Variants in PLEKHG3 observed in about 807,000 individuals in gnomAD.
PLEKHG3 encodes pleckstrin homology domain-containing family G member 3.
Under a neutral mutation model 94.9 loss-of-function variants are expected in PLEKHG3, and 62 were observed. That is an observed-to-expected ratio of 0.65 (90% CI 0.53 to 0.81). The LOEUF (loss-of-function observed/expected upper bound fraction) is 0.81, where lower values mean the gene tolerates loss of function less well. Among genes scored for constraint, PLEKHG3 ranks in the 30% least tolerant of loss-of-function variants. The pLI is 0.00. For synonymous variants in PLEKHG3, 614 were observed against 654.0 expected, an observed-to-expected ratio of 0.94 and a Z score of 0.93; for missense variants, 1,461 against 1,619.3, an observed-to-expected ratio of 0.90 and a Z score of 1.68.
intron 1 of PLEKHG3, among the ~76,000 whole-genome samples, chr14:64,714,385 C>T (rs2081105638): frequency 6.6e-6 from 1 of 152,224 alleles, no homozygotes; most frequent in Admixed American, 6.5e-5. Flanking sequence ...CTAGAGTCAC[C>T]TCTTTAATGC....
rs557292488 is a variant in PLEKHG3, at chr14:64,731,342, T to G, written c.850-19T>G. On this transcript the variant is annotated intron_variant, in intron 7 of 16. Transcript: ENST00000247226. This position sits in a 1 kb window ranked among gnomAD's most constrained non-coding sequence, Gnocchi z 6.1. Reference sequence around the variant, plus strand: ...GCCCCAGTGGCCTGACTCTAGGGATTGGGGCCCCTCTGCTGCAGGAGATTC... The same window carrying G: ...GCCCCAGTGGCCTGACTCTAGGGATGGGGGCCCCTCTGCTGCAGGAGATTC... The G allele has an allele frequency of 1.2e-5, 19 of 1,609,602 alleles. No homozygotes were observed. Among genetic ancestry groups the G allele is most frequent in the Non-Finnish European group, 1.5e-5 (18 of 1,177,334 alleles).
rs1388695818 is a variant in PLEKHG3, at chr14:64,738,099, GAGGAGGAGC to G, written c.1405-634_1405-626del. ...GGAGCCCCCAGGCTCAGAGGAGGAG[GAGGAGGAGC>G]AGGAGGAGAGCCTGGCGGTGGCGGA... On this transcript the variant is annotated intron_variant, in intron 14 of 16. Coordinates refer to ENST00000247226, the MANE Select transcript of PLEKHG3 (RefSeq NM_001308147.2). This position sits in a 1 kb window ranked among gnomAD's most constrained non-coding sequence, Gnocchi z 4.8. The G allele has an allele frequency of 7.7e-7, 1 of 1,305,086 alleles. No homozygotes were observed. Among genetic ancestry groups the G allele is most frequent in the African/African-American group, 1.5e-5 (1 of 66,978 alleles). The allele number at this position is 1,305,086 out of a possible 1,614,324, so 80.8% of individuals were successfully genotyped here. A position where few individuals can be genotyped will look rare whatever the true frequency, so the allele number is the denominator to read the frequency against.
rs17180132 is a variant in PLEKHG3 at position 64,743,191 on chromosome 14, G to A, written c.3148G>A (p.Val1050Ile). Residue 1050 changes from valine to isoleucine, a missense_variant, in exon 17 of 17, where the codon GTC becomes ATC. Transcript: ENST00000247226. This position sits in a 1 kb window ranked among gnomAD's most constrained non-coding sequence, Gnocchi z 7.2. Reference protein sequence around the residue: ...SPTETFSWPDVRELCSKYASR... With the variant: ...SPTETFSWPDIRELCSKYASR... ...CACAGAGACCTTCAGCTGGCCCGAC[G>A]TCCGTGAGCTCTGCTCCAAGTATGC... 0.011 allele frequency: 17,254 copies of A among 1,610,346 alleles called. 108 individuals carry two copies. The highest frequency in any genetic ancestry group is 0.013 in the Non-Finnish European group (15,816 of 1,179,890).
Position 64,748,230 on chromosome 14 carries a change from C to A in PLEKHG3, c.*4527C>A, listed in dbSNP as rs1470574335. ...ATGATCAACTTTACTGTCTGCCCAG[C>A]CATTACCCTCCAAAGTCCCAGCTGC... is the stretch of plus-strand genomic sequence containing the variant. On this transcript the variant is annotated 3_prime_UTR_variant, in exon 17 of 17. Coordinates refer to ENST00000247226, the MANE Select transcript of PLEKHG3 (RefSeq NM_001308147.2). 6.7e-6 allele frequency: 1 copy of A among 149,732 alleles called. No individual in the cohort carries two copies. The highest frequency in any genetic ancestry group is 1.5e-5 in the Non-Finnish European group (1 of 68,006). 9.3% of individuals were successfully genotyped at this position (149,732 alleles called of 1,614,324 possible). A position where few individuals can be genotyped will look rare whatever the true frequency, so the allele number is the denominator to read the frequency against.
rs531091439 is a variant in PLEKHG3, at chr14:64,704,516, G to T, written c.-228G>T. On this transcript the variant is annotated 5_prime_UTR_variant, in exon 1 of 17. Transcript: ENST00000247226. This position sits in a 1 kb window ranked among gnomAD's most constrained non-coding sequence, Gnocchi z 5.6. ...GGCGCTGGCAAGCCGCGCGCTGCCT[G>T]GGGTCTCCGGGGGCCGCGCTTGCAG... 1 of 155,454 alleles carries T rather than the reference G, an allele frequency of 6.4e-6. No homozygotes were observed. Among genetic ancestry groups the T allele is most frequent in the East Asian group, 1.7e-4 (1 of 6,044 alleles). The allele number at this position is 155,454 out of a possible 1,614,324, so 9.6% of individuals were successfully genotyped here.
chr14:64,741,651 C>T lies in PLEKHG3; in HGVS notation c.2134C>T (p.Arg712Ter), dbSNP rs879207272. ...GAAGAAGGAATCAGCACTCTCCACC[C>T]GAGACCGGCTGTTGCTAGACAAGAT... ...CKKKESALST[R>*]DRLLLDKIKS... The change falls in exon 16 of 17, where the codon CGA becomes TGA. Residue 712 changes from arginine (R) to a stop codon, truncating the protein, a stop_gained. Coordinates refer to ENST00000247226, the MANE Select transcript of PLEKHG3 (RefSeq NM_001308147.2). LOFTEE classifies it high-confidence loss of function. 9 of 1,612,976 alleles carry T rather than the reference C, an allele frequency of 5.6e-6. No individual in the cohort carries two copies. The highest frequency in any genetic ancestry group is 1.1e-5 in the South Asian group (1 of 91,078).
Position 64,743,001 on chromosome 14 carries a change from G to A in PLEKHG3, c.2958G>A (p.Leu986=), listed in dbSNP as rs1304164648. The change falls in exon 17 of 17, where the codon CTG becomes CTA. Residue 986 remains leucine (L), a synonymous_variant. Transcript: ENST00000247226. The surrounding 1 kb of genome is among the most constrained non-coding windows in gnomAD (Gnocchi z 7.2). ...TCATAGGTAAGAGGAAGCCGGTGCT[G>A]TCTCTATTTGACTATGAGCAGCTGA... is the stretch of plus-strand genomic sequence containing the variant. ...LGGKGKRKPV[L]SLFDYEQLMA... The A allele has an allele frequency of 6.2e-7, 1 of 1,613,256 alleles. No homozygotes were observed. Among genetic ancestry groups the A allele is most frequent in the African/African-American group, 1.3e-5 (1 of 74,934 alleles).
In PLEKHG3 at chr14:64,716,615, T is replaced by G. The variant is rs1448619991; in HGVS notation, c.-39-10978T>G. 2.6e-5 allele frequency among the ~76,000 whole-genome samples: 4 copies of G among 151,746 alleles called. No individual in the cohort carries two copies. The highest frequency in any genetic ancestry group is 5.9e-5 in the Non-Finnish European group (4 of 67,982). On this transcript the variant is annotated intron_variant, in intron 1 of 16. Coordinates refer to ENST00000247226, the MANE Select transcript of PLEKHG3 (RefSeq NM_001308147.2). This position sits in a 1 kb window ranked among gnomAD's most constrained non-coding sequence, Gnocchi z 5.0. ...TTTCCCAGAATCCACAGAGGGTGGTTGTTTTGGATCAAACCAAGCGTCAGC... is the reference window on the plus strand; with the variant it reads ...TTTCCCAGAATCCACAGAGGGTGGTGGTTTTGGATCAAACCAAGCGTCAGC...
chr14:64,740,663 G>A (rs1307745668), intron 15 of PLEKHG3, among the ~76,000 whole-genome samples: 1 of 152,218 alleles, frequency 6.6e-6, no homozygotes, highest in South Asian at 2.1e-4. Context: ...CTGGTTCCAT[G>A]ACACTGTGAG....
chr14:64,737,914 G>A (rs1008104734), intron 14 of PLEKHG3: 26 of 1,214,604 alleles, frequency 2.1e-5, no homozygotes, highest in African/African-American at 7.9e-5. Context: ...TCCCGTACTC[G>A]GGGCCTGCAG....
chr14:64,711,200 C>T (rs1299612323), intron 1 of PLEKHG3, among the ~76,000 whole-genome samples: 10 of 152,178 alleles, frequency 6.6e-5, no homozygotes, highest in South Asian at 2.1e-4. Context: ...TTTTGGAGCC[C>T]GCTCTTAGCC....
intron 3 of PLEKHG3, among the ~76,000 whole-genome samples, chr14:64,729,608 CG>C (rs34028237): frequency 6.6e-6 from 1 of 152,102 alleles, no homozygotes; most frequent in Non-Finnish European, 1.5e-5. Context: ...CAGACTCCCC[CG>C]GGAAAGTGCA....
chr14:64,727,509 T>TC lies in PLEKHG3; in HGVS notation c.-39-84_-39-83insC. 1 of 336,210 alleles carries TC rather than the reference T, an allele frequency of 3.0e-6. No individual in the cohort carries two copies. Among genetic ancestry groups the TC allele is most frequent in the Non-Finnish European group, 5.8e-6 (1 of 171,880 alleles). The allele number at this position is 336,210 out of a possible 1,614,324, so 20.8% of individuals were successfully genotyped here. ...CTAAATAATACCTTCCCACCCCACC[T>TC]GCCCCCACCCCTGGCAACCGTCCCT... On this transcript the variant is annotated intron_variant, in intron 1 of 16. Transcript: ENST00000247226. This position sits in a 1 kb window ranked among gnomAD's most constrained non-coding sequence, Gnocchi z 6.0.
Position 64,741,048 on chromosome 14 carries a change from C to G in PLEKHG3, c.1531C>G (p.Pro511Ala). The G allele has an allele frequency of 6.3e-7, 1 of 1,587,146 alleles. No homozygotes were observed. The highest frequency in any genetic ancestry group is 8.6e-7 in the Non-Finnish European group (1 of 1,164,106). ...TGCTATGTTTCAGGTTGAGCCGGAC[C>G]CTGAGGCTGGGAGTGAGCAAGAGGT... ...ISSLPEVEPD[P>A]EAGSEQEVFS... is the part of the protein sequence containing the mutation. Residue 511 changes from proline (P) to alanine (A), a missense_variant, in exon 16 of 17, where the codon CCT becomes GCT. Physicochemically the swap from Pro to Ala is conservative, Grantham distance 27. Coordinates refer to ENST00000247226, the MANE Select transcript of PLEKHG3 (RefSeq NM_001308147.2).
At chr14:64,711,015 T>C (rs1052926214) in intron 1 of PLEKHG3, among the ~76,000 whole-genome samples, 1 of 152,178 alleles carries the variant, frequency 6.6e-6, no homozygotes, top group Non-Finnish European at 1.5e-5. Flanking sequence ...CCCAGTCAGG[T>C]TGGCTAAAAT....
In PLEKHG3 at chr14:64,732,799, G is replaced by A. The variant is rs796402333; in HGVS notation, c.1247-4G>A. Reference sequence around the variant, plus strand: ...AAGCTTGATCGTCTCTCTCCTGGGTGCAGATCCCAATCGGTACCGCTGCAG... The same window carrying A: ...AAGCTTGATCGTCTCTCTCCTGGGTACAGATCCCAATCGGTACCGCTGCAG... On this transcript the variant is annotated splice_region_variant and splice_polypyrimidine_tract_variant and intron_variant, in intron 11 of 16. Coordinates refer to ENST00000247226, the MANE Select transcript of PLEKHG3 (RefSeq NM_001308147.2). This position sits in a 1 kb window ranked among gnomAD's most constrained non-coding sequence, Gnocchi z 4.9. 2 of 1,597,654 alleles carry A rather than the reference G, an allele frequency of 1.3e-6. No individual in the cohort carries two copies. The highest frequency in any genetic ancestry group is 2.3e-5 in the East Asian group (1 of 44,378).
chr14:64,709,707 C>T (rs959449779), intron 1 of PLEKHG3, among the ~76,000 whole-genome samples: 1 of 150,682 alleles, frequency 6.6e-6, no homozygotes, highest in African/African-American at 2.5e-5. Context: ...AACTCACATC[C>T]TTTACTTCCT....
At position 64,749,429 on chromosome 14, in the gene PLEKHG3, G is replaced by A. The variant is rs553021712; in HGVS notation, c.*5726G>A. ...CCTTGACGCGGATGCTCTGGGACTC[G>A]TTGATGGCGGTGCTCACGCCCTGCA... is the stretch of plus-strand genomic sequence containing the variant. On this transcript the variant is annotated 3_prime_UTR_variant, in exon 17 of 17. Transcript: ENST00000247226. The surrounding 1 kb of genome is among the most constrained non-coding windows in gnomAD (Gnocchi z 4.7). 1.9e-6 allele frequency: 3 copies of A among 1,604,662 alleles called. No individual in the cohort carries two copies. Among genetic ancestry groups the A allele is most frequent in the Admixed American group, 1.7e-5 (1 of 59,962 alleles).
In PLEKHG3 at chr14:64,727,300, T is replaced by G. The variant is rs2081369786; in HGVS notation, c.-39-293T>G. 6.6e-6 allele frequency among the ~76,000 whole-genome samples: 1 copy of G among 152,142 alleles called. No homozygotes were observed. The highest frequency in any genetic ancestry group is 6.5e-5 in the Admixed American group (1 of 15,284). On this transcript the variant is annotated intron_variant, in intron 1 of 16. Coordinates refer to ENST00000247226, the MANE Select transcript of PLEKHG3 (RefSeq NM_001308147.2). The surrounding 1 kb of genome is among the most constrained non-coding windows in gnomAD (Gnocchi z 6.0). ...CTCATAGAGTCTGAGAACAGGGCCCTTCTTGGGATTCAGTTTTGTTTTGTT... is the reference window on the plus strand; with the variant it reads ...CTCATAGAGTCTGAGAACAGGGCCCGTCTTGGGATTCAGTTTTGTTTTGTT...
Sources: gnomAD v4.1 joint callset for allele counts (sites outside exome capture counted in the v4.1 genomes callset) on GRCh38, gnomAD v4.1.1 for gene constraint, Gnocchi (gnomAD v3.1) non-coding constraint, MANE v1.5 for transcripts, NCBI Gene and HGNC (gene_info 2026-07-23, HGNC 2026-07-21) for gene names.